The following GRIN2A variants were observed in gnomAD, a reference collection of about 807,000 sequenced individuals.
GRIN2A encodes glutamate receptor ionotropic, NMDA 2A.
A neutral mutation model predicts 113.4 loss-of-function variants in GRIN2A; 22 were observed. The ratio of observed to expected loss-of-function variants is 0.19; its 90% CI spans 0.14 to 0.28. The LOEUF (loss-of-function observed/expected upper bound fraction) is 0.28. Ranked by LOEUF, GRIN2A falls within the 10% of genes least tolerant of loss-of-function variation. The pLI is 1.00. For missense variants in GRIN2A, 1,502 were observed against 1,887.0 expected, an observed-to-expected ratio of 0.80 and a Z score of 3.78; for synonymous variants, 827 against 738.4, an observed-to-expected ratio of 1.12 and a Z score of -1.94.
At chr16:10,172,255 T>G (rs1369213712) in intron 2 of GRIN2A, among the ~76,000 whole-genome samples, 2 of 152,318 alleles carry the variant, frequency 1.3e-5, no homozygotes, top group East Asian at 3.9e-4. Context: ...TTGTCCAAGG[T>G]TTTCTTGGAT....
chr16:10,112,673 C>T (rs563308293), intron 2 of GRIN2A: 47 of 758,488 alleles, frequency 6.2e-5, no homozygotes, highest in East Asian at 1.7e-4. Context: ...GATACTTCAG[C>T]GAGGGGGAAA....
At chr16:10,117,458 C>A (rs1227366415) in intron 2 of GRIN2A, among the ~76,000 whole-genome samples, 1 of 152,132 alleles carries the variant, frequency 6.6e-6, no homozygotes, top group African/African-American at 2.4e-5. Context: ...GGAGAGTTAT[C>A]TCTGCTTATG....
intron 2 of GRIN2A, among the ~76,000 whole-genome samples, chr16:9,968,062 T>G (rs1228806111): frequency 6.6e-6 from 1 of 152,058 alleles, no homozygotes; most frequent in Non-Finnish European, 1.5e-5. Context: ...GACAACCCAG[T>G]GGGTAGGCGT....
intron 11 of GRIN2A, among the ~76,000 whole-genome samples, chr16:9,780,242 A>C (rs184939098): frequency 2.6e-5 from 4 of 152,368 alleles, no homozygotes; most frequent in African/African-American, 9.6e-5. Flanking sequence ...TCTATTACCC[A>C]GCAATTTCAT....
chr16:9,995,515 G>C (rs1307085461), intron 2 of GRIN2A, among the ~76,000 whole-genome samples: 3 of 152,130 alleles, frequency 2.0e-5, no homozygotes, highest in Non-Finnish European at 4.4e-5. Flanking sequence ...GCCCTTTCAG[G>C]CTACAGTAAC....
At chr16:9,943,092 C>T (rs2044926283) in intron 2 of GRIN2A, 1 of 152,306 alleles carries the variant, frequency 6.6e-6, no homozygotes, top group African/African-American at 2.4e-5. Flanking sequence ...CCTTTCCACT[C>T]CCTGTCTTGA....
At chr16:9,769,394 A>G (rs1057343730) in intron 11 of GRIN2A, among the ~76,000 whole-genome samples, 1 of 147,462 alleles carries the variant, frequency 6.8e-6, no homozygotes, top group Non-Finnish European at 1.5e-5. Flanking sequence ...TATATTATAT[A>G]CATATATAAT....
intron 10 of GRIN2A, among the ~76,000 whole-genome samples, chr16:9,799,418 G>A (rs1186006948): frequency 1.3e-5 from 2 of 152,228 alleles, no homozygotes; most frequent in Non-Finnish European, 2.9e-5. Flanking sequence ...TTCGGTGGAA[G>A]CGTGGTCCTG....
chr16:9,893,387 A>G (rs1036377774), intron 3 of GRIN2A, among the ~76,000 whole-genome samples: 24 of 152,228 alleles, frequency 1.6e-4, no homozygotes, highest in African/African-American at 5.8e-4. Flanking sequence ...TAGAAGGAAC[A>G]AAGGATAATC....
chr16:9,811,079 G>A (rs1567315369), intron 10 of GRIN2A, among the ~76,000 whole-genome samples: 1 of 152,130 alleles, frequency 6.6e-6, no homozygotes, highest in Non-Finnish European at 1.5e-5. Context: ...TTTAGCACCT[G>A]GGTCAGTGGA....
chr16:10,071,802 T>C (rs2047757068), intron 2 of GRIN2A, among the ~76,000 whole-genome samples: 1 of 152,198 alleles, frequency 6.6e-6, no homozygotes, highest in African/African-American at 2.4e-5. Context: ...AGAGGAGAAG[T>C]GGACGGGAGC....
At chr16:10,167,683 T>C (rs1473947209) in intron 2 of GRIN2A, among the ~76,000 whole-genome samples, 2 of 152,208 alleles carry the variant, frequency 1.3e-5, no homozygotes, top group Non-Finnish European at 2.9e-5. Context: ...AATGCTCTAT[T>C]GTATTATTTA....
intron 2 of GRIN2A, among the ~76,000 whole-genome samples, chr16:9,996,230 A>T (rs753277937): frequency 6.6e-6 from 1 of 152,094 alleles, no homozygotes; most frequent in Non-Finnish European, 1.5e-5. Context: ...CGTAGGGTGG[A>T]AGGGCATCTC....
In GRIN2A at chr16:9,758,239, G is replaced by C. The variant is rs188791385; in HGVS notation, c.*4910C>G. ...CACAGAAAGAGTGCAGGTGAGGAAA[G>C]AGGATAAGGAATTTAAATAGGAAAT... On this transcript the variant is annotated 3_prime_UTR_variant, in exon 13 of 13. Coordinates refer to ENST00000330684, the MANE Select transcript of GRIN2A (RefSeq NM_001134407.3). 1 of 222,574 alleles carries C rather than the reference G, an allele frequency of 4.5e-6. No homozygotes were observed. The highest frequency in any genetic ancestry group is 6.5e-5 in the East Asian group (1 of 15,492). The allele number at this position is 222,574 out of a possible 1,614,324, so 13.8% of individuals were successfully genotyped here.
rs572571027 is a variant in GRIN2A at position 9,934,258 on chromosome 16, G to C, written c.1007+3701C>G. Among the ~76,000 whole-genome samples, 12 of 152,176 alleles carry C rather than the reference G, an allele frequency of 7.9e-5. No individual in the cohort carries two copies. In the South Asian group the frequency reaches 2.5e-3, roughly 32 times the overall value. On this transcript the variant is annotated intron_variant, in intron 3 of 12. Coordinates refer to ENST00000330684, the MANE Select transcript of GRIN2A (RefSeq NM_001134407.3). Reference sequence around the variant, plus strand: ...ATTCTTATTCCTAAGTTTGTCTTTAGATAAATTTCCCCCACCTTGATCAGA... The same window carrying C: ...ATTCTTATTCCTAAGTTTGTCTTTACATAAATTTCCCCCACCTTGATCAGA...
chr16:9,930,157 C>A (rs933727545), intron 3 of GRIN2A, among the ~76,000 whole-genome samples: 3 of 152,202 alleles, frequency 2.0e-5, no homozygotes, highest in Non-Finnish European at 4.4e-5. Flanking sequence ...TCAGCCCACT[C>A]TCATGGGTCC....
At chr16:9,848,279 G>C (rs570123118) in intron 5 of GRIN2A, among the ~76,000 whole-genome samples, 2 of 150,408 alleles carry the variant, frequency 1.3e-5, no homozygotes, top group African/African-American at 4.9e-5. Flanking sequence ...GTAGTGGCTC[G>C]ATCTCGACTT....
At chr16:10,139,551 G>A (rs1437397958) in intron 2 of GRIN2A, among the ~76,000 whole-genome samples, 1 of 152,212 alleles carries the variant, frequency 6.6e-6, no homozygotes, top group African/African-American at 2.4e-5. Context: ...AGATGTGGCT[G>A]CTCACACTTA....
intron 10 of GRIN2A, among the ~76,000 whole-genome samples, chr16:9,816,266 CTA>C (rs1355749889): frequency 6.6e-6 from 1 of 152,188 alleles, no homozygotes; most frequent in Admixed American, 6.5e-5. Context: ...AAATTTTACT[CTA>C]TGCATATTTT....
Sources: gnomAD v4.1 joint callset for allele counts (sites outside exome capture counted in the v4.1 genomes callset) on GRCh38, gnomAD v4.1.1 for gene constraint, MANE v1.5 for transcripts, NCBI Gene and HGNC (gene_info 2026-07-23, HGNC 2026-07-21) for gene names.